The following DCAF5 variants were observed in gnomAD, a reference collection of about 807,000 sequenced individuals.
DCAF5 encodes the protein DDB1- and CUL4-associated factor 5.
DCAF5 carries 9 observed loss-of-function variants against 80.7 expected under a neutral mutation model. That is an observed-to-expected ratio of 0.11 (90% CI 0.07 to 0.19). DCAF5 has a LOEUF of 0.19. Among genes scored for constraint, DCAF5 ranks in the 10% least tolerant of loss-of-function variants. The pLI is 1.00. For missense variants in DCAF5, 842 were observed against 1,205.7 expected (o/e 0.70, Z 4.47); for synonymous variants, 433 against 461.9 (o/e 0.94, Z 0.80).
rs2037827030 is a variant in DCAF5 at position 69,053,526 on chromosome 14, A to G, written c.*331T>C. 1 of 244,878 alleles carries G rather than the reference A, an allele frequency of 4.1e-6. No individual in the cohort carries two copies. Among genetic ancestry groups the G allele is most frequent in the Non-Finnish European group, 7.9e-6 (1 of 126,540 alleles). The allele number at this position is 244,878 out of a possible 1,614,324, so 15.2% of individuals were successfully genotyped here. ...ATGAGACAATAAGCGCACACGTGCC[A>G]TTGTGCGTACACAAGAACAAGTCGA... On this transcript the variant is annotated 3_prime_UTR_variant, in exon 9 of 9. Transcript: ENST00000341516.
chr14:69,094,215 T>C (rs1224154399), intron 5 of DCAF5, among the ~76,000 whole-genome samples: 1 of 152,148 alleles, frequency 6.6e-6, no homozygotes, highest in Non-Finnish European at 1.5e-5. Flanking sequence ...AGAGGAAAGC[T>C]AGGGCCTCTG....
chr14:69,132,031 T>A (rs542324585), intron 1 of DCAF5, among the ~76,000 whole-genome samples: 1 of 152,324 alleles, frequency 6.6e-6, no homozygotes, highest in East Asian at 1.9e-4. Flanking sequence ...ATTTTGTTTA[T>A]CTATTCATCC....
At position 69,110,876 on chromosome 14, in the gene DCAF5, C is replaced by CAA. The variant is rs35812611; in HGVS notation, c.665+5488_665+5489dup. Among the ~76,000 whole-genome samples, 113 of 45,520 alleles carry CAA rather than the reference C, an allele frequency of 2.5e-3. 8 individuals are homozygous for CAA. The highest frequency in any genetic ancestry group is 8.1e-3 in the African/African-American group (80 of 9,844). The allele number at this position is 45,520 out of a possible 152,430, so 29.9% of individuals were successfully genotyped here. A position where few individuals can be genotyped will look rare whatever the true frequency, so the allele number is the denominator to read the frequency against. On this transcript the variant is annotated intron_variant, in intron 5 of 8. Transcript: ENST00000341516. ...TGGGCAACAGACCAAGACCCTGTCT[C>CAA]AAAAAAAAAAAAAAAAAAAAAAAAA... is the stretch of plus-strand genomic sequence containing the variant.
chr14:69,070,226 C>A (rs980590733), intron 7 of DCAF5, among the ~76,000 whole-genome samples: 1 of 152,114 alleles, frequency 6.6e-6, no homozygotes, highest in Non-Finnish European at 1.5e-5. Context: ...AACAAGAATT[C>A]AGGGAAAGAG....
chr14:69,055,359 T>C lies in DCAF5; in HGVS notation c.1327A>G (p.Ile443Val), dbSNP rs1352319680. ...CTGACCCCAGCGTGCAGTTGGAGGA[T>C]AGTACTCTCACTGAGGTCACTGTCT... The part of the protein sequence containing the change: ...DSDSDLSEST[I>V]LQLHAGVSER... Residue 443 changes from isoleucine to valine, a missense_variant, in exon 9 of 9, where the codon ATC becomes GTC. Transcript: ENST00000341516. This position sits in a 1 kb window ranked among gnomAD's most constrained non-coding sequence, Gnocchi z 5.6. 1.9e-6 allele frequency: 3 copies of C among 1,613,990 alleles called. No homozygotes were observed. The highest frequency in any genetic ancestry group is 2.5e-6 in the Non-Finnish European group (3 of 1,180,034).
intron 2 of DCAF5, among the ~76,000 whole-genome samples, chr14:69,120,046 CTTTT>C (rs145797975): frequency 0.025 from 3,775 of 151,960 alleles, 83 homozygotes; most frequent in Non-Finnish European, 0.03. Flanking sequence ...TTCTTTCTTT[CTTTT>C]GAGACAGGAT....
intron 6 of DCAF5, among the ~76,000 whole-genome samples, chr14:69,082,821 C>T (rs1237165643): frequency 6.6e-6 from 1 of 152,164 alleles, no homozygotes; most frequent in Non-Finnish European, 1.5e-5. Context: ...CAAAAAGAGG[C>T]AAAGCTCTTC....
Position 69,091,758 on chromosome 14 carries a change from G to A in DCAF5, c.795C>T (p.Arg265=), listed in dbSNP as rs137919514. Residue 265 remains arginine, a synonymous_variant, in exon 6 of 9, where the codon CGC becomes CGT. Transcript: ENST00000341516. ...LPPVLYDIHS[R]LPVFQFDNQG... ...GATTGTCAAACTGAAACACAGGCAG[G>A]CGGGAATGGATGTCATAGAGCACAG... The A allele has an allele frequency of 6.2e-7, 1 of 1,614,166 alleles. No individual in the cohort carries two copies. The highest frequency in any genetic ancestry group is 8.5e-7 in the Non-Finnish European group (1 of 1,180,028).
intron 6 of DCAF5, among the ~76,000 whole-genome samples, chr14:69,081,768 AT>A (rs1448407074): frequency 4.7e-5 from 7 of 149,780 alleles, no homozygotes; most frequent in Non-Finnish European, 1.0e-4. Flanking sequence ...GTGTGTGTGT[AT>A]GTGTGTGTTT....
intron 4 of DCAF5, among the ~76,000 whole-genome samples, chr14:69,117,759 G>A (rs765850803): frequency 2.0e-5 from 3 of 152,064 alleles, no homozygotes; most frequent in Non-Finnish European, 2.9e-5. Flanking sequence ...TTTGAGATTC[G>A]GTGGTTCTTT....
chr14:69,069,442 G>A (rs1371574905), intron 7 of DCAF5, among the ~76,000 whole-genome samples: 1 of 152,136 alleles, frequency 6.6e-6, no homozygotes, highest in Non-Finnish European at 1.5e-5. Flanking sequence ...TAAAAGGTGA[G>A]TTTAAAAAGG....
chr14:69,140,094 C>T (rs908839161), intron 1 of DCAF5, among the ~76,000 whole-genome samples: 1 of 151,910 alleles, frequency 6.6e-6, no homozygotes, highest in Non-Finnish European at 1.5e-5. Context: ...AGAGAAATCT[C>T]GTCTCTACTA....
intron 6 of DCAF5, chr14:69,084,340 G>C (rs2039235300): frequency 1.0e-6 from 1 of 953,282 alleles, no homozygotes; most frequent in Non-Finnish European, 1.7e-6. Context: ...ATATCCCAGG[G>C]TTTATGTATA....
intron 1 of DCAF5, among the ~76,000 whole-genome samples, chr14:69,126,156 T>C (rs1449582756): frequency 3.0e-5 from 4 of 134,930 alleles, no homozygotes; most frequent in African/African-American, 1.2e-4. Context: ...ACAGAGATTC[T>C]TTTTTTTTTT....
At chr14:69,072,511 G>C (rs1021873657) in intron 7 of DCAF5, among the ~76,000 whole-genome samples, 1 of 151,538 alleles carries the variant, frequency 6.6e-6, no homozygotes, top group African/African-American at 2.4e-5. Context: ...GGGAGGCTTA[G>C]GCAGGAGGAT....
chr14:69,068,445 T>C (rs541665434), intron 7 of DCAF5, among the ~76,000 whole-genome samples: 78 of 152,260 alleles, frequency 5.1e-4, no homozygotes, highest in African/African-American at 1.9e-3. Context: ...ATGCCTGTAA[T>C]CCCAGCACTT....
chr14:69,056,576 C>T (rs919885636), intron 8 of DCAF5, among the ~76,000 whole-genome samples: 1 of 152,222 alleles, frequency 6.6e-6, no homozygotes, highest in South Asian at 2.1e-4. Flanking sequence ...TTACATCAGC[C>T]TGTAGTCATG....
At chr14:69,094,860 C>T (rs2039648607) in intron 5 of DCAF5, among the ~76,000 whole-genome samples, 1 of 152,176 alleles carries the variant, frequency 6.6e-6, no homozygotes, top group African/African-American at 2.4e-5. Flanking sequence ...GAAGTGGGCC[C>T]AGGTATCTGA....
intron 7 of DCAF5, among the ~76,000 whole-genome samples, chr14:69,065,279 T>G (rs552866201): frequency 5.9e-5 from 9 of 152,170 alleles, no homozygotes; most frequent in African/African-American, 2.2e-4. Flanking sequence ...GTATTTTCAG[T>G]AGAGACGGGG....
Sources: gnomAD v4.1 joint callset for allele counts (sites outside exome capture counted in the v4.1 genomes callset) on GRCh38, gnomAD v4.1.1 for gene constraint, Gnocchi (gnomAD v3.1) non-coding constraint, MANE v1.5 for transcripts, NCBI Gene and HGNC (gene_info 2026-07-23, HGNC 2026-07-21) for gene names.